Variants in STIM2 observed in about 807,000 individuals in gnomAD.
STIM2 encodes the protein stromal interaction molecule 2.
Under a neutral mutation model 85.8 loss-of-function variants are expected in STIM2, and 31 were observed. That is an observed-to-expected ratio of 0.36 (90% CI 0.27 to 0.49). The LOEUF is 0.49. Among genes scored for constraint, STIM2 ranks in the 20% least tolerant of loss-of-function variants. STIM2 has a pLI of 0.98. For missense variants in STIM2, 841 were observed against 927.6 expected (o/e 0.91, Z 1.21); for synonymous variants, 356 against 331.1 (o/e 1.08, Z -0.82).
At chr4:26,990,790 G>A (rs1298884045) in intron 3 of STIM2, among the ~76,000 whole-genome samples, 2 of 151,714 alleles carry the variant, frequency 1.3e-5, no homozygotes, top group Admixed American at 6.6e-5. Flanking sequence ...ACCTGAGTAG[G>A]CATAAAGACA....
intron 1 of STIM2, among the ~76,000 whole-genome samples, chr4:26,863,520 T>C (rs1722294441): frequency 1.3e-5 from 2 of 152,136 alleles, no homozygotes; most frequent in Non-Finnish European, 2.9e-5. Context: ...TCTATAGGGC[T>C]CTTTCCCATT....
chr4:26,962,559 AGTGTGTGTGT>A (rs34301656), intron 3 of STIM2, among the ~76,000 whole-genome samples: 613 of 142,686 alleles, frequency 4.3e-3, no homozygotes, highest in Admixed American at 6.9e-3. Context: ...ACTTTAATGC[AGTGTGTGTGT>A]GTGTGTGTGT....
intron 11 of STIM2, chr4:27,019,280 A>G (rs1560242934): frequency 2.1e-5 from 9 of 420,954 alleles, no homozygotes; most frequent in Non-Finnish European, 3.5e-5. Flanking sequence ...TTTGCAAGTG[A>G]TCAGTGCAGC....
intron 1 of STIM2, among the ~76,000 whole-genome samples, chr4:26,890,125 C>T (rs1723409399): frequency 6.6e-6 from 1 of 152,168 alleles, no homozygotes; most frequent in African/African-American, 2.4e-5. Flanking sequence ...CCCAGAAAGG[C>T]AGTTAGTGCT....
At chr4:26,971,458 A>G (rs906863959) in intron 3 of STIM2, among the ~76,000 whole-genome samples, 3 of 152,230 alleles carry the variant, frequency 2.0e-5, no homozygotes, top group African/African-American at 7.2e-5. Context: ...AGCTTTCTAC[A>G]TATAGCTAGC....
At chr4:26,884,098 C>T (rs557390883) in intron 1 of STIM2, among the ~76,000 whole-genome samples, 1 of 152,186 alleles carries the variant, frequency 6.6e-6, no homozygotes, top group African/African-American at 2.4e-5. Context: ...AAGGTGCTCA[C>T]TGTAGAACTC....
At chr4:26,927,845 T>C (rs962675065) in intron 2 of STIM2, among the ~76,000 whole-genome samples, 2 of 135,666 alleles carry the variant, frequency 1.5e-5, no homozygotes, top group African/African-American at 3.1e-5. Context: ...ATAAATTATA[T>C]ATTAATATAT....
In STIM2 at chr4:26,977,228, G is replaced by A. The variant is rs749529166; in HGVS notation, c.398-18151G>A. Reference sequence around the variant, plus strand: ...ACAACCTTAAAGTGTTTAGGAAACTGTTGGAAGGCTCAAGTAGCTAGAAAG... The same window carrying A: ...ACAACCTTAAAGTGTTTAGGAAACTATTGGAAGGCTCAAGTAGCTAGAAAG... On this transcript the variant is annotated intron_variant, in intron 3 of 11. Coordinates refer to ENST00000467087, the MANE Select transcript of STIM2 (RefSeq NM_020860.4). Among the ~76,000 whole-genome samples, 22 of 152,262 alleles carry A rather than the reference G, an allele frequency of 1.4e-4. No homozygotes were observed. The Middle Eastern group carries it at 0.01, about 71-fold the overall frequency.
intron 10 of STIM2, among the ~76,000 whole-genome samples, chr4:27,013,947 A>G (rs1474709713): frequency 6.6e-6 from 1 of 152,038 alleles, no homozygotes; most frequent in Non-Finnish European, 1.5e-5. Flanking sequence ...AATGATTAAA[A>G]GTGTAGATTT....
At chr4:26,983,259 A>G (rs887077843) in intron 3 of STIM2, among the ~76,000 whole-genome samples, 3 of 152,230 alleles carry the variant, frequency 2.0e-5, no homozygotes, top group Non-Finnish European at 2.9e-5. Flanking sequence ...CCTTTCTCAT[A>G]TGATTCTCTG....
intron 2 of STIM2, among the ~76,000 whole-genome samples, chr4:26,956,994 A>C (rs1203239598): frequency 6.6e-6 from 1 of 152,102 alleles, no homozygotes; most frequent in East Asian, 1.9e-4. Context: ...ACAGATATAC[A>C]GTGGTCCCTT....
rs80351127 is a variant in STIM2, at chr4:26,994,885, A to G, written c.398-494A>G. ...TTTCTTAAGTTAATCACTATCTGAA[A>G]TTTCCCTTCCTCTTCTTCCTTCTTT... On this transcript the variant is annotated intron_variant, in intron 3 of 11. Transcript: ENST00000467087. 1.4e-3 allele frequency among the ~76,000 whole-genome samples: 218 copies of G among 152,126 alleles called. 6 individuals carry two copies. The East Asian group carries it at 0.041, about 29-fold the overall frequency.
At chr4:26,957,779 T>G (rs765507357) in intron 3 of STIM2, 53 bp downstream of exon 3, 1 of 1,115,088 alleles carries the variant, frequency 9.0e-7, no homozygotes, top group Non-Finnish European at 1.3e-6. Context: ...TCTAGCCTGC[T>G]TAGTTGTTCT....
chr4:26,874,336 C>A (rs752899712), intron 1 of STIM2: 8 of 294,908 alleles, frequency 2.7e-5, no homozygotes, highest in South Asian at 3.6e-5. Context: ...TACACCCTGC[C>A]GCTGAGAAGC....
chr4:26,985,353 A>C (rs747355439), intron 3 of STIM2, among the ~76,000 whole-genome samples: 1 of 152,160 alleles, frequency 6.6e-6, no homozygotes, highest in Non-Finnish European at 1.5e-5. Flanking sequence ...AATTATGTGT[A>C]TCAGTGTAAA....
rs1260135757 is a variant in STIM2, at chr4:26,965,454, TTTCCCTTTA to T, written c.397+7731_397+7739del. On this transcript the variant is annotated intron_variant, in intron 3 of 11. Transcript: ENST00000467087. ...GTACTTCATACAGAGTTTGCTCCCT[TTTCCCTTTA>T]TTATCAAATAACTTTCTTTTATAAA... Among the ~76,000 whole-genome samples the T allele has an allele frequency of 4.7e-4, 72 of 152,266 alleles. No homozygotes were observed. The Middle Eastern group carries it at 0.01, about 22-fold the overall frequency.
intron 1 of STIM2, among the ~76,000 whole-genome samples, chr4:26,871,614 C>A (rs1447585508): frequency 6.6e-6 from 1 of 151,506 alleles, no homozygotes; most frequent in African/African-American, 2.4e-5. Context: ...GCTTTGTTTT[C>A]ATAAATACAA....
At chr4:26,973,823 A>T (rs191436907) in intron 3 of STIM2, among the ~76,000 whole-genome samples, 1 of 152,214 alleles carries the variant, frequency 6.6e-6, no homozygotes, top group African/African-American at 2.4e-5. Context: ...GATCTGTCTG[A>T]TATTGACAGT....
At chr4:26,919,454 G>A (rs937616915) in intron 1 of STIM2, 50 bp from the exon 2 acceptor site, 7 of 1,607,632 alleles carry the variant, frequency 4.4e-6, no homozygotes, top group Non-Finnish European at 5.9e-6. Context: ...TCTAACTATA[G>A]CCTTTGTTTT....
Sources: gnomAD v4.1 joint callset for allele counts (sites outside exome capture counted in the v4.1 genomes callset) on GRCh38, gnomAD v4.1.1 for gene constraint, MANE v1.5 for transcripts, NCBI Gene and HGNC (gene_info 2026-07-23, HGNC 2026-07-21) for gene names.